DNAJC16: variants seen among roughly 807,000 people sequenced by gnomAD.
DNAJC16 encodes the protein DnaJ heat shock protein family (Hsp40) member C16.
Under a neutral mutation model 92.7 loss-of-function variants are expected in DNAJC16, and 76 were observed. That is an observed-to-expected ratio of 0.82 (90% CI 0.68 to 0.99). DNAJC16 has a LOEUF of 0.99. Among genes scored for constraint, DNAJC16 ranks in the 50% least tolerant of loss-of-function variants. The pLI, the probability that DNAJC16 is intolerant of heterozygous loss-of-function variation, is 0.00. For synonymous variants in DNAJC16, 328 were observed against 358.7 expected, an observed-to-expected ratio of 0.91 and a Z score of 0.97; for missense variants, 869 against 942.4, an observed-to-expected ratio of 0.92 and a Z score of 1.02.
Position 15,568,867 on chromosome 1 carries a change from T to TTGAG in DNAJC16, c.*691_*694dup, listed in dbSNP as rs1242590011. On this transcript the variant is annotated 3_prime_UTR_variant, in exon 15 of 15. Transcript: ENST00000375847. ...GAGCAGTGGCTGAAGCGATGCAGCC[T>TTGAG]TGAGACACGCTGTGAGCATCCCATC... The TTGAG allele has an allele frequency of 1.3e-5, 5 of 396,426 alleles. No homozygotes were observed. The highest frequency in any genetic ancestry group is 2.2e-5 in the Non-Finnish European group (5 of 224,994). The allele number at this position is 396,426 out of a possible 1,614,324, so 24.6% of individuals were successfully genotyped here.
chr1:15,530,764 T>C (rs535282324), intron 2 of DNAJC16, among the ~76,000 whole-genome samples: 147 of 152,364 alleles, frequency 9.6e-4, no homozygotes, highest in Middle Eastern at 3.4e-3. Context: ...CTTGGCTCAC[T>C]GTAACCTCCG....
chr1:15,536,237 C>G (rs1320117272), intron 3 of DNAJC16, among the ~76,000 whole-genome samples: 1 of 151,852 alleles, frequency 6.6e-6, no homozygotes, highest in Non-Finnish European at 1.5e-5. Context: ...CCACTCCCGG[C>G]TGATTTGATT....
chr1:15,534,363 G>T (rs1710732381), intron 3 of DNAJC16, 60 bp downstream of exon 3: 1 of 1,558,830 alleles, frequency 6.4e-7, no homozygotes, highest in African/African-American at 1.4e-5. Flanking sequence ...CTTAGGAGGT[G>T]ATGAGTTTTG....
chr1:15,544,429 A>G lies in DNAJC16; in HGVS notation c.605A>G (p.Tyr202Cys). The G allele has an allele frequency of 1.2e-6, 2 of 1,614,026 alleles. No homozygotes were observed. The highest frequency in any genetic ancestry group is 1.6e-4 in the Middle Eastern group (1 of 6,062). The change falls in exon 5 of 15, where the codon TAT becomes TGT. Residue 202 changes from tyrosine (Y) to cysteine (C), a missense_variant. Transcript: ENST00000375847. ...GGAATTGGCGTGGTCCATGCTGGGT[A>G]TGAGAGACGCCTGGCCCATCACCTA... ...GVGIGVVHAG[Y>C]ERRLAHHLGA...
chr1:15,570,402 G>A lies in DNAJC16; in HGVS notation c.*2225G>A, dbSNP rs1390533932. 4.6e-5 allele frequency: 7 copies of A among 152,078 alleles called. No homozygotes were observed. The East Asian group carries it at 9.6e-4, about 21-fold the overall frequency. 9.4% of individuals were successfully genotyped at this position (152,078 alleles called of 1,614,324 possible). On this transcript the variant is annotated 3_prime_UTR_variant, in exon 15 of 15. Coordinates refer to ENST00000375847, the MANE Select transcript of DNAJC16 (RefSeq NM_015291.4). ...TTTATATTTTTTTTAATAGAGACGA[G>A]GTCTTGCTATGTTGCCCAGGCTGGT...
chr1:15,538,146 C>T (rs1710837445), intron 4 of DNAJC16, among the ~76,000 whole-genome samples: 1 of 152,122 alleles, frequency 6.6e-6, no homozygotes, highest in Admixed American at 6.5e-5. Flanking sequence ...CCTGTAATCC[C>T]AACACTTTGG....
intron 7 of DNAJC16, among the ~76,000 whole-genome samples, chr1:15,556,117 GACTTT>G (rs1033005972): frequency 2.0e-5 from 3 of 150,054 alleles, no homozygotes; most frequent in African/African-American, 7.3e-5. Context: ...AACACAGTGA[GACTTT>G]ATCTTTTTTT....
intron 8 of DNAJC16, among the ~76,000 whole-genome samples, chr1:15,561,169 G>A (rs112867852): frequency 0.012 from 1,728 of 139,456 alleles, 38 homozygotes; most frequent in African/African-American, 0.043. Flanking sequence ...TCTGTTTTCT[G>A]TCTTCCCCAC....
At chr1:15,548,497 C>A in intron 7 of DNAJC16, 69 bp downstream of exon 7, 1 of 1,436,824 alleles carries the variant, frequency 7.0e-7, no homozygotes, top group Non-Finnish European at 9.4e-7. Context: ...AAATAAACAG[C>A]AAAATTGAAC....
intron 14 of DNAJC16, 121 bp downstream of exon 14, chr1:15,567,390 T>C: frequency 9.5e-7 from 1 of 1,057,868 alleles, no homozygotes; most frequent in South Asian, 1.5e-5. Context: ...AGATGCTGGC[T>C]GTGACCTTTC....
intron 2 of DNAJC16, among the ~76,000 whole-genome samples, chr1:15,530,584 T>C (rs1281196443): frequency 6.6e-6 from 1 of 152,188 alleles, no homozygotes; most frequent in Admixed American, 6.5e-5. Flanking sequence ...TGGAAGAAAG[T>C]TTGGGACAGG....
chr1:15,544,687 C>T (rs1638247704), intron 5 of DNAJC16, 104 bp downstream of exon 5: 7 of 1,147,792 alleles, frequency 6.1e-6, no homozygotes, highest in Non-Finnish European at 8.7e-6. Context: ...ACCTGAGTTT[C>T]ATTGTGAGGA....
At chr1:15,548,225 C>T (rs904682476) in intron 6 of DNAJC16, 45 bp from the exon 7 acceptor site, 1 of 1,596,174 alleles carries the variant, frequency 6.3e-7, no homozygotes, top group African/African-American at 1.3e-5. Context: ...TCATTTACAT[C>T]TTTGCTGTAG....
At chr1:15,564,898 G>T (rs1023209908) in intron 11 of DNAJC16, among the ~76,000 whole-genome samples, 1 of 147,624 alleles carries the variant, frequency 6.8e-6, no homozygotes, top group Admixed American at 6.8e-5. Flanking sequence ...GCAGTGGCAC[G>T]ATCTCAGCTC....
chr1:15,555,546 G>A (rs759106129), intron 7 of DNAJC16, among the ~76,000 whole-genome samples: 2 of 151,470 alleles, frequency 1.3e-5, no homozygotes, highest in Non-Finnish European at 2.9e-5. Flanking sequence ...ACCTGGGCGC[G>A]GTGGTAGATG....
At chr1:15,565,274 C>T (rs1239771485) in intron 11 of DNAJC16, 2 of 152,918 alleles carry the variant, frequency 1.3e-5, no homozygotes, top group Non-Finnish European at 2.9e-5. Context: ...GGGCCTGACA[C>T]ACGTGGAGTC....
chr1:15,565,889 T>G, intron 11 of DNAJC16, 30 bp from the exon 12 acceptor site: 426 of 1,587,484 alleles, frequency 2.7e-4, no homozygotes, highest in Non-Finnish European at 3.4e-4. Context: ...AATTTTAACT[T>G]GAGCTAATAG....
At position 15,567,842 on chromosome 1, in the gene DNAJC16, C is replaced by T. The variant is rs2103430290; in HGVS notation, c.2014C>T (p.Leu672=). ...DKHREWLEYL[L]EFAQDAAPIP... Reference sequence around the variant, plus strand: ...ACACAGAGAATGGCTAGAATACTTACTAGAATTTGCTCAAGATGCAGCTCC... The same window carrying T: ...ACACAGAGAATGGCTAGAATACTTATTAGAATTTGCTCAAGATGCAGCTCC... Residue 672 remains leucine (L), a synonymous_variant, in exon 15 of 15, where the codon CTA becomes TTA. Coordinates refer to ENST00000375847, the MANE Select transcript of DNAJC16 (RefSeq NM_015291.4). 2 of 1,614,122 alleles carry T rather than the reference C, an allele frequency of 1.2e-6. No individual in the cohort carries two copies. The highest frequency in any genetic ancestry group is 1.1e-5 in the South Asian group (1 of 91,086).
chr1:15,539,095 A>G (rs951178414), intron 4 of DNAJC16, among the ~76,000 whole-genome samples: 1 of 152,204 alleles, frequency 6.6e-6, no homozygotes, highest in Non-Finnish European at 1.5e-5. Flanking sequence ...TATGGGTATG[A>G]CAGATGTTTA....
Sources: gnomAD v4.1 joint callset for allele counts (sites outside exome capture counted in the v4.1 genomes callset) on GRCh38, gnomAD v4.1.1 for gene constraint, MANE v1.5 for transcripts, NCBI Gene and HGNC (gene_info 2026-07-23, HGNC 2026-07-21) for gene names.